KSR2: variants seen among roughly 807,000 people sequenced by gnomAD.
KSR2 encodes kinase suppressor of ras 2.
In KSR2, 25 loss-of-function variants were observed where a neutral mutation model predicts 107.8. That is an observed-to-expected ratio of 0.23 (90% CI 0.17 to 0.32). The LOEUF (loss-of-function observed/expected upper bound fraction) is 0.32, where lower values mean the gene tolerates loss of function less well. KSR2 is among the 10% of genes least tolerant of loss of function. The pLI, the probability that KSR2 is intolerant of heterozygous loss-of-function variation, is 1.00. For synonymous variants in KSR2, 480 were observed against 507.0 expected (o/e 0.95, Z 0.71); for missense variants, 887 against 1,268.9 (o/e 0.70, Z 4.57).
At chr12:117,962,812 C>G (rs1228295946) in intron 1 of KSR2, among the ~76,000 whole-genome samples, 1 of 151,766 alleles carries the variant, frequency 6.6e-6, no homozygotes, top group African/African-American at 2.4e-5. Flanking sequence ...AAAAAAAAAT[C>G]AAAAGAAAAA....
At chr12:117,756,036 A>C (rs1411731361) in intron 4 of KSR2, among the ~76,000 whole-genome samples, 2 of 152,226 alleles carry the variant, frequency 1.3e-5, no homozygotes, top group African/African-American at 4.8e-5. Context: ...CTGCAGAAGA[A>C]AATGTGGACA....
At chr12:117,635,110 C>CA in intron 5 of KSR2, among the ~76,000 whole-genome samples, 2 of 152,182 alleles carry the variant, frequency 1.3e-5, no homozygotes. Context: ...CTGGAAAACT[C>CA]AGAGTTTGCT....
chr12:117,489,608 T>C (rs911933758), intron 14 of KSR2, among the ~76,000 whole-genome samples: 13 of 151,368 alleles, frequency 8.6e-5, no homozygotes, highest in Non-Finnish European at 1.6e-4. Context: ...AATTAATGTA[T>C]GGCGTTGAAA....
In KSR2 at chr12:117,702,263, G is replaced by C. The variant is rs146196423; in HGVS notation, c.987-34605C>G. 9.0e-3 allele frequency among the ~76,000 whole-genome samples: 1,376 copies of C among 152,268 alleles called. 17 individuals are homozygous for C. Among genetic ancestry groups the C allele is most frequent in the African/African-American group, 0.03 (1,240 of 41,560 alleles). ...GCCCTCCCAACACCAAGCACCTCGC[G>C]TTGGTAGCCTTTGTCAGTTCCATTG... On this transcript the variant is annotated intron_variant, in intron 4 of 19. Coordinates refer to ENST00000339824, the MANE Select transcript of KSR2 (RefSeq NM_173598.6).
rs570794269 is a variant in KSR2, at chr12:117,923,870, A to G, written c.180+44206T>C. On this transcript the variant is annotated intron_variant, in intron 1 of 19. Transcript: ENST00000339824. ...GTGTAACAAAGGAGTTGACATTAATATATATTTGCTTTTTTTTTTTTTTTG... is the reference window on the plus strand; with the variant it reads ...GTGTAACAAAGGAGTTGACATTAATGTATATTTGCTTTTTTTTTTTTTTTG... Among the ~76,000 whole-genome samples the G allele has an allele frequency of 2.5e-3, 370 of 150,880 alleles. 8 individuals carry two copies. The highest frequency in any genetic ancestry group is 1.7e-3 in the Non-Finnish European group (117 of 67,794).
intron 8 of KSR2, among the ~76,000 whole-genome samples, chr12:117,557,451 C>A (rs115869505): frequency 6.6e-6 from 1 of 152,172 alleles, no homozygotes; most frequent in African/African-American, 2.4e-5. Flanking sequence ...CCCTGCAGAT[C>A]CTGTTTAAAA....
intron 14 of KSR2, among the ~76,000 whole-genome samples, chr12:117,486,916 G>T (rs1403551675): frequency 6.6e-6 from 1 of 152,230 alleles, no homozygotes; most frequent in Non-Finnish European, 1.5e-5. Context: ...TAGCACAGTG[G>T]TTAGGAGCAT....
intron 9 of KSR2, among the ~76,000 whole-genome samples, chr12:117,553,889 C>G (rs1877482738): frequency 6.6e-6 from 1 of 151,622 alleles, no homozygotes; most frequent in African/African-American, 2.4e-5. Flanking sequence ...TCCTTCCTTC[C>G]TTTCACCGTG....
chr12:117,714,078 C>T (rs895213646), intron 4 of KSR2, among the ~76,000 whole-genome samples: 3 of 152,096 alleles, frequency 2.0e-5, no homozygotes, highest in Admixed American at 2.0e-4. Flanking sequence ...AGGGGGGGAG[C>T]AGCAGCTCTT....
At chr12:117,729,301 G>A (rs1887567763) in intron 4 of KSR2, among the ~76,000 whole-genome samples, 1 of 152,046 alleles carries the variant, frequency 6.6e-6, no homozygotes, top group African/African-American at 2.4e-5. Context: ...AATAGGGAAG[G>A]GACCACATGA....
At chr12:117,941,364 C>A (rs971333060) in intron 1 of KSR2, among the ~76,000 whole-genome samples, 1 of 147,968 alleles carries the variant, frequency 6.8e-6, no homozygotes, top group Admixed American at 6.9e-5. Flanking sequence ...CTTTCTGATG[C>A]CATTTGGGGA....
intron 1 of KSR2, among the ~76,000 whole-genome samples, chr12:117,915,050 A>G (rs1593365483): frequency 6.6e-6 from 1 of 152,248 alleles, no homozygotes; most frequent in African/African-American, 2.4e-5. Context: ...CTAAAGCCGT[A>G]CCAGCAACAG....
At position 117,799,452 on chromosome 12, in the gene KSR2, G is replaced by A. The variant is rs145450278; in HGVS notation, c.473-37928C>T. Reference sequence around the variant, plus strand: ...GGAGGCAGAGGTTGCAGTGAGCCGAGATCGCATCACTGCACTCCAGACCAG... The same window carrying A: ...GGAGGCAGAGGTTGCAGTGAGCCGAAATCGCATCACTGCACTCCAGACCAG... On this transcript the variant is annotated intron_variant, in intron 3 of 19. Transcript: ENST00000339824. Among the ~76,000 whole-genome samples, 54 of 149,498 alleles carry A rather than the reference G, an allele frequency of 3.6e-4. 1 individual carries two copies. The East Asian group carries it at 0.01, about 29-fold the overall frequency.
chr12:117,456,776 T>C lies in KSR2; in HGVS notation c.*10423A>G, dbSNP rs1566113092. On this transcript the variant is annotated 3_prime_UTR_variant, in exon 20 of 20. Coordinates refer to ENST00000339824, the MANE Select transcript of KSR2 (RefSeq NM_173598.6). ...ACCTACAGAGGCCATCCTCACCCAC[T>C]GCCTGTCTCCATGCCCAAATCAGTC... The C allele has an allele frequency of 6.6e-6, 1 of 152,274 alleles. No homozygotes were observed. Among genetic ancestry groups the C allele is most frequent in the Non-Finnish European group, 1.5e-5 (1 of 68,104 alleles). The allele number at this position is 152,274 out of a possible 1,614,324, so 9.4% of individuals were successfully genotyped here. A position where few individuals can be genotyped will look rare whatever the true frequency, so the allele number is the denominator to read the frequency against.
At chr12:117,923,880 T>C (rs1292714249) in intron 1 of KSR2, among the ~76,000 whole-genome samples, 2 of 132,908 alleles carry the variant, frequency 1.5e-5, no homozygotes, top group African/African-American at 3.0e-5. Flanking sequence ...ATATATTTGC[T>C]TTTTTTTTTT....
chr12:117,705,705 G>A (rs1886497064), intron 4 of KSR2, among the ~76,000 whole-genome samples: 1 of 152,208 alleles, frequency 6.6e-6, no homozygotes, highest in African/African-American at 2.4e-5. Context: ...GATAGATTGG[G>A]CCATAACGAA....
chr12:117,545,627 G>A (rs1266427552), intron 9 of KSR2, among the ~76,000 whole-genome samples: 2 of 152,134 alleles, frequency 1.3e-5, no homozygotes, highest in Non-Finnish European at 2.9e-5. Context: ...CTGTAGTGAT[G>A]TCCCATCCCA....
intron 4 of KSR2, among the ~76,000 whole-genome samples, chr12:117,739,110 C>G (rs1281047633): frequency 1.3e-5 from 2 of 152,194 alleles, no homozygotes; most frequent in African/African-American, 4.8e-5. Flanking sequence ...AATCCCAGCA[C>G]TTTTGGAGGC....
intron 4 of KSR2, among the ~76,000 whole-genome samples, chr12:117,730,483 CTCCCCTCTCCCTCT>C (rs1470651554): frequency 8.7e-5 from 13 of 149,370 alleles, no homozygotes; most frequent in African/African-American, 3.2e-4. Flanking sequence ...TCTCCCTCGT[CTCCCCTCTCCCTCT>C]CCCCCTTCCA....
Sources: allele counts gnomAD v4.1 joint callset (sites outside exome capture counted in the v4.1 genomes callset), GRCh38; gene constraint gnomAD v4.1.1; transcripts MANE v1.5; gene names NCBI Gene and HGNC (gene_info 2026-07-23, HGNC 2026-07-21).